Variants in TCHP observed in about 807,000 individuals in gnomAD.
The protein encoded by TCHP is trichoplein keratin filament-binding protein.
Under a neutral mutation model 88.7 loss-of-function variants are expected in TCHP, and 81 were observed. The ratio of observed to expected loss-of-function variants is 0.91; its 90% CI spans 0.76 to 1.10. The LOEUF (loss-of-function observed/expected upper bound fraction) is 1.10, where lower values mean the gene tolerates loss of function less well. TCHP is among the 50% of genes least tolerant of loss of function. The pLI, the probability that TCHP is intolerant of heterozygous loss-of-function variation, is 0.00. For missense variants in TCHP, 641 were observed against 632.1 expected (o/e 1.01, Z -0.15); for synonymous variants, 232 against 232.5 (o/e 1.00, Z 0.02).
chr12:109,891,046 ATTTG>A, the TCHP span, among the ~76,000 whole-genome samples: 1 of 152,180 alleles, frequency 6.6e-6, no homozygotes, highest in Non-Finnish European at 1.5e-5. Context: ...CCCCTAGGGT[ATTTG>A]TTCCTTTCTT....
the TCHP span, among the ~76,000 whole-genome samples, chr12:109,891,023 T>A: frequency 0.031 from 4,672 of 152,264 alleles, 163 homozygotes; most frequent in African/African-American, 0.085. Context: ...CGAGTCCGGG[T>A]AATGGTTTTG....
chr12:109,899,687 C>T (rs532083512), upstream of TCHP, among the ~76,000 whole-genome samples: 1 of 152,274 alleles, frequency 6.6e-6, no homozygotes, highest in Admixed American at 6.5e-5. Flanking sequence ...GCCAGCAGGC[C>T]TCTGCCCAAG....
At chr12:109,882,471 G>A in the TCHP span, among the ~76,000 whole-genome samples, 1 of 150,388 alleles carries the variant, frequency 6.6e-6, no homozygotes, top group African/African-American at 2.5e-5. Flanking sequence ...AGGCACATGA[G>A]CAAAAGCCTT....
Position 109,908,982 on chromosome 12 carries a change from TA to T in TCHP, c.879+51del, listed in dbSNP as rs753491624. 7 of 1,582,794 alleles carry T rather than the reference TA, an allele frequency of 4.4e-6. No individual in the cohort carries two copies. In the South Asian group the frequency reaches 7.8e-5, roughly 18 times the overall value. On this transcript the variant is annotated intron_variant, in intron 8 of 12. Transcript: ENST00000405876. ...CTGACATCTTTCTTAGCCTCTTTTG[TA>T]AAAAAGGCCTTCCATTGCTTAGTAT...
intron 8 of TCHP, 39 bp downstream of exon 8, chr12:109,908,976 CTT>C (rs759887864): frequency 3.8e-6 from 6 of 1,598,158 alleles, no homozygotes; most frequent in African/African-American, 1.3e-5. Flanking sequence ...TTCTTAGCCT[CTT>C]TTGTAAAAAA....
Position 109,904,081 on chromosome 12 carries a change from G to T in TCHP, c.333G>T (p.Leu111Phe), listed in dbSNP as rs1265189874. 1 of 1,600,182 alleles carries T rather than the reference G, an allele frequency of 6.2e-7. No homozygotes were observed. Among genetic ancestry groups the T allele is most frequent in the Non-Finnish European group, 8.5e-7 (1 of 1,173,262 alleles). ...AGGAGCTGAGGCTGAGCATGAACTT[G>T]CAGGAAAGAAGAATCCGGGAGCAGC... ...ELEELRLSMN[L>F]QERRIREQHG... The change falls in exon 3 of 13, where the codon TTG becomes TTT. Residue 111 changes from leucine to phenylalanine, a missense_variant. Transcript: ENST00000405876.
At chr12:109,899,953 C>A (rs1172588017), upstream of TCHP, among the ~76,000 whole-genome samples, 2 of 152,044 alleles carry the variant, frequency 1.3e-5, no homozygotes, top group African/African-American at 4.8e-5. Context: ...TCCCACCATG[C>A]CCGGTTAAGT....
At chr12:109,907,789 C>CAT (rs1211187752) in intron 6 of TCHP, 90 bp downstream of exon 6, 7 of 1,400,470 alleles carry the variant, frequency 5.0e-6, no homozygotes, top group Non-Finnish European at 5.8e-6. Context: ...AAGAAGAGGC[C>CAT]ATAGCAGGGC....
chr12:109,881,754 G>A, the TCHP span, among the ~76,000 whole-genome samples: 1 of 152,132 alleles, frequency 6.6e-6, no homozygotes, highest in African/African-American at 2.4e-5. Flanking sequence ...CAACAGCCCA[G>A]GGTCCAGCTT....
chr12:109,891,371 T>C, the TCHP span, among the ~76,000 whole-genome samples: 2 of 151,432 alleles, frequency 1.3e-5, no homozygotes, highest in East Asian at 1.9e-4. Flanking sequence ...GATATAGTAA[T>C]GGGCTTTCTT....
intron 1 of TCHP, among the ~76,000 whole-genome samples, chr12:109,902,259 C>T (rs977913312): frequency 1.3e-5 from 2 of 152,144 alleles, no homozygotes; most frequent in Non-Finnish European, 2.9e-5. Flanking sequence ...CAGCCGTGAC[C>T]TCCTGGGCTC....
chr12:109,884,555 T>A, the TCHP span, among the ~76,000 whole-genome samples: 1 of 152,222 alleles, frequency 6.6e-6, no homozygotes, highest in African/African-American at 2.4e-5. Flanking sequence ...TTCACCTGAC[T>A]ACTCATCCCC....
chr12:109,895,155 A>C, the TCHP span, among the ~76,000 whole-genome samples: 39 of 152,026 alleles, frequency 2.6e-4, no homozygotes, highest in African/African-American at 8.4e-4. Context: ...ACAGGAATTC[A>C]CTACAGTTCC....
the TCHP span, among the ~76,000 whole-genome samples, chr12:109,885,349 C>T: frequency 2.6e-5 from 4 of 152,156 alleles, no homozygotes; most frequent in African/African-American, 7.2e-5. Flanking sequence ...AGTTGTACAT[C>T]TTAATACTAG....
chr12:109,912,091 G>C (rs1017743578), intron 9 of TCHP, among the ~76,000 whole-genome samples: 9 of 152,212 alleles, frequency 5.9e-5, no homozygotes, highest in African/African-American at 2.2e-4. Context: ...ACTATGCCCA[G>C]CCAGAAGGAA....
chr12:109,892,186 C>A, the TCHP span, among the ~76,000 whole-genome samples: 2 of 150,406 alleles, frequency 1.3e-5, no homozygotes, highest in East Asian at 3.9e-4. Context: ...GATACCATCT[C>A]AAAAAAAAAT....
In TCHP at chr12:109,907,716, C is replaced by G. The variant is rs1360577587; in HGVS notation, c.699+17C>G. On this transcript the variant is annotated intron_variant, in intron 6 of 12. Coordinates refer to ENST00000405876, the MANE Select transcript of TCHP (RefSeq NM_001143852.2). ...GAGGTGGAGGTGGGCACAAGCCCCT[C>G]TCAGCCGTGACCTCCTCCACAGCTG... The G allele has an allele frequency of 1.3e-6, 2 of 1,578,144 alleles. No homozygotes were observed. The highest frequency in any genetic ancestry group is 1.7e-6 in the Non-Finnish European group (2 of 1,162,898).
chr12:109,897,749 G>C (rs1330850885), upstream of TCHP, among the ~76,000 whole-genome samples: 1 of 152,038 alleles, frequency 6.6e-6, no homozygotes, highest in African/African-American at 2.4e-5. Flanking sequence ...GTAGAGACAA[G>C]GTTTCGCCAC....
At chr12:109,906,316 A>C (rs371128770) in intron 4 of TCHP, among the ~76,000 whole-genome samples, 15 of 152,274 alleles carry the variant, frequency 9.9e-5, no homozygotes, top group East Asian at 9.6e-4. Context: ...GTGGGAGGGA[A>C]GTCTCTGTTA....
Sources: gnomAD v4.1 joint callset for allele counts (sites outside exome capture counted in the v4.1 genomes callset) on GRCh38, gnomAD v4.1.1 for gene constraint, MANE v1.5 for transcripts, NCBI Gene and HGNC (gene_info 2026-07-23, HGNC 2026-07-21) for gene names.